Variants in LCMT1 observed in about 807,000 individuals in gnomAD.
LCMT1 encodes the protein [Phosphatase 2A protein]-leucine-carboxy methyltransferase 1.
In LCMT1, 32 loss-of-function variants were observed where a neutral mutation model predicts 47.7. The observed-to-expected ratio is 0.67, with a 90% confidence interval of 0.51 to 0.90. The LOEUF (loss-of-function observed/expected upper bound fraction) is 0.90. LCMT1 is among the 40% of genes least tolerant of loss of function. LCMT1 has a pLI of 0.00. For synonymous variants in LCMT1, 152 were observed against 149.7 expected (o/e 1.02, Z -0.11); for missense variants, 375 against 415.2 (o/e 0.90, Z 0.84).
At position 25,140,117 on chromosome 16, in the gene LCMT1, T is replaced by C; in HGVS notation, c.328-54T>C. On this transcript the variant is annotated intron_variant, in intron 3 of 10. Coordinates refer to ENST00000399069, the MANE Select transcript of LCMT1 (RefSeq NM_016309.3). ...TGCCTAGTGCTTGATATGTGGAAGATGATCAGCACATGTAAGAGTAAAGAA... is the reference window on the plus strand; with the variant it reads ...TGCCTAGTGCTTGATATGTGGAAGACGATCAGCACATGTAAGAGTAAAGAA... 7 of 1,335,942 alleles carry C rather than the reference T, an allele frequency of 5.2e-6. No homozygotes were observed. In the Admixed American group the frequency reaches 9.6e-5, roughly 18 times the overall value. 82.8% of individuals were successfully genotyped at this position (1,335,942 alleles called of 1,614,324 possible). A position where few individuals can be genotyped will look rare whatever the true frequency, so the allele number is the denominator to read the frequency against.
intron 9 of LCMT1, 169 bp from the exon 10 acceptor site, chr16:25,174,768 C>G (rs1013692763): frequency 7.7e-6 from 3 of 387,962 alleles, no homozygotes; most frequent in Non-Finnish European, 1.4e-5. Flanking sequence ...ATTTTTTCTT[C>G]TTTTCAGTGA....
intron 1 of LCMT1, among the ~76,000 whole-genome samples, chr16:25,114,769 T>C (rs1337981880): frequency 1.3e-5 from 2 of 152,154 alleles, no homozygotes; most frequent in Non-Finnish European, 2.9e-5. Flanking sequence ...TCCTCCTCCT[T>C]CTCATGCCCT....
In LCMT1 at chr16:25,111,954, A is replaced by AG. The variant is rs1306915915; in HGVS notation, c.74dup (p.Val26ArgfsTer23). 3 of 1,613,592 alleles carry AG rather than the reference A, an allele frequency of 1.9e-6. No homozygotes were observed. Among genetic ancestry groups the AG allele is most frequent in the Admixed American group, 1.7e-5 (1 of 60,022 alleles). ...ACCTCGAGCTGCGACGCAGACGACG[A>AG]GGGCGTGCGCGGCACCTGCGAAGAT... is the stretch of plus-strand genomic sequence containing the variant. On this transcript the variant is annotated frameshift_variant, in exon 1 of 11. Coordinates refer to ENST00000399069, the MANE Select transcript of LCMT1 (RefSeq NM_016309.3). LOFTEE classifies it high-confidence loss of function.
chr16:25,172,781 G>A (rs1377297013), intron 9 of LCMT1, among the ~76,000 whole-genome samples: 4 of 152,246 alleles, frequency 2.6e-5, no homozygotes, highest in Admixed American at 1.3e-4. Flanking sequence ...TCTTCCAGAA[G>A]CATCCTTCCC....
chr16:25,164,626 G>T lies in LCMT1; in HGVS notation c.598G>T (p.Val200Leu). Residue 200 changes from valine to leucine, a missense_variant, in exon 7 of 11, where the codon GTG becomes TTG. By Grantham distance (32) the Val-to-Leu change is conservative. Coordinates refer to ENST00000399069, the MANE Select transcript of LCMT1 (RefSeq NM_016309.3). The stretch of plus-strand genomic sequence containing the variant: ...GCCAACACTCCTGATAGCTGAATGT[G>T]TGCTGGTTTACATGACTCCAGAGCA... ...QLPTLLIAEC[V>L]LVYMTPEQSA... 1 of 1,613,910 alleles carries T rather than the reference G, an allele frequency of 6.2e-7. No individual in the cohort carries two copies. Among genetic ancestry groups the T allele is most frequent in the Non-Finnish European group, 8.5e-7 (1 of 1,179,878 alleles).
chr16:25,164,667 G>A lies in LCMT1; in HGVS notation c.639G>A (p.Leu213=). ...CTCCAGAGCAGTCCGCAAACCTCCT[G>A]AAGTGGGCAGCCAACAGTTTTGAGA... is the stretch of plus-strand genomic sequence containing the variant. The part of the protein sequence containing the change: ...YMTPEQSANL[L]KWAANSFERA... The change falls in exon 7 of 11, where the codon CTG becomes CTA. Residue 213 remains leucine, a synonymous_variant. Coordinates refer to ENST00000399069, the MANE Select transcript of LCMT1 (RefSeq NM_016309.3). 1 of 1,613,986 alleles carries A rather than the reference G, an allele frequency of 6.2e-7. No individual in the cohort carries two copies. Among genetic ancestry groups the A allele is most frequent in the African/African-American group, 1.3e-5 (1 of 75,044 alleles).
intron 9 of LCMT1, among the ~76,000 whole-genome samples, chr16:25,172,336 A>G (rs1308843601): frequency 6.6e-6 from 1 of 151,522 alleles, no homozygotes; most frequent in Non-Finnish European, 1.5e-5. Context: ...GGTACATAGT[A>G]TTTATATTGA....
chr16:25,150,245 G>A (rs143729552), intron 4 of LCMT1, among the ~76,000 whole-genome samples: 33 of 150,078 alleles, frequency 2.2e-4, no homozygotes, highest in African/African-American at 8.1e-4. Flanking sequence ...AAGTTAATTT[G>A]CCCAAAGTCT....
intron 6 of LCMT1, among the ~76,000 whole-genome samples, chr16:25,162,539 A>G (rs1444504620): frequency 6.6e-6 from 1 of 151,534 alleles, no homozygotes; most frequent in Non-Finnish European, 1.5e-5. Flanking sequence ...CAGTGAGCCA[A>G]GATCATGACA....
At chr16:25,161,670 T>C (rs1056168971) in intron 6 of LCMT1, among the ~76,000 whole-genome samples, 2 of 152,238 alleles carry the variant, frequency 1.3e-5, no homozygotes, top group Admixed American at 1.3e-4. Flanking sequence ...AGTCTGTTTC[T>C]ACATCAGAAT....
chr16:25,132,300 C>A, intron 2 of LCMT1, 102 bp from the exon 3 acceptor site: 1 of 1,373,210 alleles, frequency 7.3e-7, no homozygotes, highest in Non-Finnish European at 1.0e-6. Flanking sequence ...TGCAGAAGGG[C>A]GCATGCTCTC....
At chr16:25,154,986 G>A (rs931941760) in intron 5 of LCMT1, among the ~76,000 whole-genome samples, 2 of 152,274 alleles carry the variant, frequency 1.3e-5, no homozygotes, top group African/African-American at 4.8e-5. Flanking sequence ...GAACTGATAC[G>A]TGATCTTAAA....
chr16:25,172,414 G>A (rs1224449125), intron 9 of LCMT1, among the ~76,000 whole-genome samples: 1 of 152,148 alleles, frequency 6.6e-6, no homozygotes, highest in East Asian at 1.9e-4. Context: ...TGGGCATTTA[G>A]TTGCGGTGTC....
At chr16:25,174,183 A>T (rs1041832001) in intron 9 of LCMT1, among the ~76,000 whole-genome samples, 2 of 152,254 alleles carry the variant, frequency 1.3e-5, no homozygotes, top group Non-Finnish European at 2.9e-5. Context: ...AAGTGCTGGG[A>T]TTACAGGCGT....
chr16:25,125,509 T>C (rs1290754946), intron 1 of LCMT1, among the ~76,000 whole-genome samples: 1 of 152,168 alleles, frequency 6.6e-6, no homozygotes, highest in African/African-American at 2.4e-5. Context: ...CCCTCTTCCC[T>C]ATCCCTCTCC....
At chr16:25,169,945 C>T (rs1414266053) in intron 8 of LCMT1, among the ~76,000 whole-genome samples, 5 of 152,126 alleles carry the variant, frequency 3.3e-5, no homozygotes, top group Middle Eastern at 3.4e-3. Flanking sequence ...TTTGGGCGGG[C>T]GCGGTGGCTC....
chr16:25,152,592 A>T (rs1361717899), intron 5 of LCMT1, among the ~76,000 whole-genome samples: 3 of 152,198 alleles, frequency 2.0e-5, no homozygotes. Flanking sequence ...TAGACTTCTC[A>T]TGAAAAATCT....
At chr16:25,132,327 TG>T (rs1250939539) in intron 2 of LCMT1, 74 bp from the exon 3 acceptor site, 2 of 1,570,438 alleles carry the variant, frequency 1.3e-6, no homozygotes, top group African/African-American at 2.7e-5. Flanking sequence ...GCTCTTCTCC[TG>T]GGGTGGGCTT....
chr16:25,112,052 A>C, intron 1 of LCMT1, 56 bp downstream of exon 1: 13 of 1,172,474 alleles, frequency 1.1e-5, no homozygotes, highest in Non-Finnish European at 1.7e-5. Flanking sequence ...CCTAGGTGGG[A>C]GGTGGGCCTG....
Sources: allele counts gnomAD v4.1 joint callset (sites outside exome capture counted in the v4.1 genomes callset), GRCh38; gene constraint gnomAD v4.1.1; transcripts MANE v1.5; gene names NCBI Gene and HGNC (gene_info 2026-07-23, HGNC 2026-07-21).